OXR1: variants seen among roughly 807,000 people sequenced by gnomAD.
OXR1 encodes oxidation resistance 1, also known as oxidation resistance protein 1.
In OXR1, 41 loss-of-function variants were observed where a neutral mutation model predicts 104.6. That is an observed-to-expected ratio of 0.39 (90% confidence interval 0.31 to 0.51). OXR1 has a LOEUF of 0.51. Ranked by LOEUF, OXR1 falls within the 20% of genes least tolerant of loss-of-function variation. OXR1 has a pLI of 0.77. For missense variants in OXR1, 955 were observed against 1,031.9 expected (o/e 0.93, Z 1.02); for synonymous variants, 348 against 348.4 (o/e 1.00, Z 0.01).
chr8:106,442,548 G>A (rs1338280581), intron 2 of OXR1, among the ~76,000 whole-genome samples: 3 of 151,892 alleles, frequency 2.0e-5, no homozygotes, highest in African/African-American at 7.3e-5. Flanking sequence ...CTGGTCCTGG[G>A]CTTTTTTTTC....
chr8:106,448,131 T>C (rs1307042246), intron 2 of OXR1: 3 of 1,408,950 alleles, frequency 2.1e-6, no homozygotes, highest in Non-Finnish European at 2.9e-6. Context: ...ATAAAATAGC[T>C]CTCTGATTTC....
chr8:106,551,334 A>G (rs147916090), intron 3 of OXR1, among the ~76,000 whole-genome samples: 144 of 152,386 alleles, frequency 9.4e-4, no homozygotes, highest in African/African-American at 3.2e-3. Flanking sequence ...TGGTTGAAAC[A>G]TAATGATTAA....
At chr8:106,725,006 G>A (rs536343047) in intron 11 of OXR1, among the ~76,000 whole-genome samples, 19 of 152,302 alleles carry the variant, frequency 1.2e-4, no homozygotes, top group Admixed American at 2.6e-4. Context: ...ATTGCTGATG[G>A]TTGTTAGGAG....
intron 1 of OXR1, among the ~76,000 whole-genome samples, chr8:106,320,754 C>G (rs1036423137): frequency 1.3e-5 from 2 of 152,120 alleles, no homozygotes; most frequent in African/African-American, 4.8e-5. Flanking sequence ...TCACTGCAGT[C>G]TCTGCCTCCT....
chr8:106,750,782 C>T, intron 16 of OXR1, 24 bp from the exon 17 acceptor site: 1 of 1,515,012 alleles, frequency 6.6e-7, no homozygotes, highest in East Asian at 2.3e-5. Context: ...TAAATATTAA[C>T]AGATTATTAT....
chr8:106,395,817 G>A (rs1482867889), intron 2 of OXR1, among the ~76,000 whole-genome samples: 1 of 152,056 alleles, frequency 6.6e-6, no homozygotes, highest in Non-Finnish European at 1.5e-5. Flanking sequence ...AAAGGACTCA[G>A]CATTCTTTGG....
chr8:106,486,518 A>G (rs187070689), intron 2 of OXR1, among the ~76,000 whole-genome samples: 4 of 152,264 alleles, frequency 2.6e-5, no homozygotes, highest in Admixed American at 2.6e-4. Flanking sequence ...GTTTAATCAG[A>G]TGGAATAAAT....
At chr8:106,516,422 G>A (rs994734244) in intron 2 of OXR1, among the ~76,000 whole-genome samples, 2 of 152,154 alleles carry the variant, frequency 1.3e-5, no homozygotes, top group Non-Finnish European at 2.9e-5. Context: ...TTTTGCCTGT[G>A]TTGTTCACTG....
intron 3 of OXR1, among the ~76,000 whole-genome samples, chr8:106,533,591 T>G (rs901917895): frequency 2.0e-5 from 3 of 152,170 alleles, no homozygotes; most frequent in African/African-American, 7.2e-5. Context: ...CCTGAGACCT[T>G]TCTCCTATAT....
At chr8:106,282,416 A>G (rs1393519224) in intron 1 of OXR1, among the ~76,000 whole-genome samples, 1 of 152,192 alleles carries the variant, frequency 6.6e-6, no homozygotes, top group Admixed American at 6.5e-5. Flanking sequence ...TATTTCAAGT[A>G]TAGTTGACTC....
intron 2 of OXR1, among the ~76,000 whole-genome samples, chr8:106,424,091 C>T (rs1157815758): frequency 1.3e-5 from 2 of 152,000 alleles, no homozygotes; most frequent in African/African-American, 4.8e-5. Flanking sequence ...CGTTTGCCAC[C>T]ACACTCAGCT....
At chr8:106,470,881 G>A (rs756448428) in intron 2 of OXR1, among the ~76,000 whole-genome samples, 2 of 151,814 alleles carry the variant, frequency 1.3e-5, no homozygotes, top group Non-Finnish European at 2.9e-5. Flanking sequence ...GCTAAGGTAA[G>A]CACTGATAAC....
intron 3 of OXR1, among the ~76,000 whole-genome samples, chr8:106,655,531 G>A (rs2131043112): frequency 6.6e-6 from 1 of 152,202 alleles, no homozygotes; most frequent in South Asian, 2.1e-4. Flanking sequence ...CAGGAATAAA[G>A]ACCTCCTTCT....
At chr8:106,448,143 G>A in intron 2 of OXR1, 1 of 1,343,632 alleles carries the variant, frequency 7.4e-7, no homozygotes, top group South Asian at 1.3e-5. Context: ...TCTGATTTCT[G>A]TGCAAGTGAG....
At chr8:106,661,682 C>T (rs931608116) in intron 3 of OXR1, among the ~76,000 whole-genome samples, 5 of 152,166 alleles carry the variant, frequency 3.3e-5, no homozygotes, top group Non-Finnish European at 7.4e-5. Context: ...CCTATTATAT[C>T]AACCTCATTT....
chr8:106,412,677 C>A (rs1362393984), intron 2 of OXR1, among the ~76,000 whole-genome samples: 1 of 151,986 alleles, frequency 6.6e-6, no homozygotes. Flanking sequence ...TCAAGTCAGG[C>A]GATATGCACC....
intron 3 of OXR1, among the ~76,000 whole-genome samples, chr8:106,665,458 G>T (rs546029841): frequency 6.6e-6 from 1 of 152,232 alleles, no homozygotes; most frequent in East Asian, 1.9e-4. Flanking sequence ...ATATGTAAGA[G>T]AACTTAGTTA....
chr8:106,585,676 G>A (rs1406968728), intron 3 of OXR1, among the ~76,000 whole-genome samples: 1 of 152,126 alleles, frequency 6.6e-6, no homozygotes, highest in Non-Finnish European at 1.5e-5. Flanking sequence ...GCCAGGTAAA[G>A]GAAGTCAGAA....
chr8:106,372,580 A>G (rs1035600358), intron 2 of OXR1, among the ~76,000 whole-genome samples: 2 of 152,130 alleles, frequency 1.3e-5, no homozygotes, highest in African/African-American at 4.8e-5. Context: ...AAAATTTTAC[A>G]CCTGACCTTA....
Sources: allele counts gnomAD v4.1 joint callset (sites outside exome capture counted in the v4.1 genomes callset), GRCh38; gene constraint gnomAD v4.1.1; transcripts MANE v1.5; gene names NCBI Gene and HGNC (gene_info 2026-07-23, HGNC 2026-07-21).